Variants in MRPL3 observed in about 807,000 individuals in gnomAD.
The protein encoded by MRPL3 is large ribosomal subunit protein uL3m.
Under a neutral mutation model 44.3 loss-of-function variants are expected in MRPL3, and 43 were observed. The ratio of observed to expected loss-of-function variants is 0.97; its 90% confidence interval spans 0.76 to 1.25. The LOEUF is 1.25. MRPL3 is among the 50% of genes most tolerant of loss of function. The pLI, the probability that MRPL3 is intolerant of heterozygous loss-of-function variation, is 0.00. For synonymous variants in MRPL3, 171 were observed against 152.3 expected, an observed-to-expected ratio of 1.12 and a Z score of -0.91; for missense variants, 406 against 427.6, an observed-to-expected ratio of 0.95 and a Z score of 0.45.
chr3:131,493,725 G>C (rs888556872), intron 4 of MRPL3, among the ~76,000 whole-genome samples: 1 of 152,140 alleles, frequency 6.6e-6, no homozygotes, highest in Non-Finnish European at 1.5e-5. Flanking sequence ...TACTGTAAAA[G>C]TATAGGCCTA....
intron 7 of MRPL3, among the ~76,000 whole-genome samples, chr3:131,470,286 T>C (rs1359052799): frequency 6.6e-6 from 1 of 152,166 alleles, no homozygotes; most frequent in East Asian, 1.9e-4. Flanking sequence ...TGGTTTTCTC[T>C]GATTTACATA....
At chr3:131,469,221 T>TACACACACACACGCACAC (rs1553716809) in intron 8 of MRPL3, among the ~76,000 whole-genome samples, 1 of 150,382 alleles carries the variant, frequency 6.6e-6, no homozygotes, top group East Asian at 1.9e-4. Context: ...TCCTTACACT[T>TACACACACACACGCACAC]ACACACACAC....
chr3:131,463,899 A>G (rs188676765), intron 9 of MRPL3, among the ~76,000 whole-genome samples: 2 of 152,190 alleles, frequency 1.3e-5, no homozygotes, highest in African/African-American at 2.4e-5. Flanking sequence ...AAAATGAGGC[A>G]TAATTACTTT....
In MRPL3 at chr3:131,468,734, T is replaced by C. The variant is rs148485206; in HGVS notation, c.817-566A>G. ...GAATAAGTATTAAATATTACAAAAA[T>C]TGAAATCACACACACGAAGAAAATA... On this transcript the variant is annotated intron_variant, in intron 8 of 9. Coordinates refer to ENST00000264995, the MANE Select transcript of MRPL3 (RefSeq NM_007208.4). Among the ~76,000 whole-genome samples the C allele has an allele frequency of 4.1e-3, 619 of 152,122 alleles. 6 individuals carry two copies. Among genetic ancestry groups the C allele is most frequent in the African/African-American group, 0.014 (587 of 41,514 alleles).
chr3:131,480,425 G>A (rs16836800), intron 6 of MRPL3, among the ~76,000 whole-genome samples: 1,905 of 152,262 alleles, frequency 0.013, 18 homozygotes, highest in East Asian at 0.036. Context: ...TCTTTAGGAC[G>A]AATTTGTGAC....
Position 131,498,254 on chromosome 3 carries a change from T to C in MRPL3, c.393A>G (p.Lys131=). ...LLQVQDCHVL[K]YTSKENCNGK... ...CATTACAGTTTTCCTTTGACGTATA[T>C]TTTAAGACATGACAGTCTTGTACCT... The change falls in exon 4 of 10, where the codon AAA becomes AAG. Residue 131 remains lysine (K), a synonymous_variant. Coordinates refer to ENST00000264995, the MANE Select transcript of MRPL3 (RefSeq NM_007208.4). 3.7e-6 allele frequency: 6 copies of C among 1,610,014 alleles called. No homozygotes were observed. The Middle Eastern group carries it at 5.0e-4, about 133-fold the overall frequency.
Position 131,502,836 on chromosome 3 carries a change from A to G in MRPL3, c.-15T>C. ...CAACCCGGCATGGATTAGCCCGGGA[A>G]GACTCGACTCACGACTTCCGGGCGC... On this transcript the variant is annotated 5_prime_UTR_variant, in exon 1 of 10. Transcript: ENST00000264995. 1 of 1,610,374 alleles carries G rather than the reference A, an allele frequency of 6.2e-7. No individual in the cohort carries two copies. The highest frequency in any genetic ancestry group is 8.5e-7 in the Non-Finnish European group (1 of 1,178,728).
intron 6 of MRPL3, among the ~76,000 whole-genome samples, chr3:131,472,942 C>T (rs1933772147): frequency 6.6e-6 from 1 of 152,092 alleles, no homozygotes; most frequent in Non-Finnish European, 1.5e-5. Context: ...GGAAAGCTAT[C>T]TGCTGTTCAT....
chr3:131,492,343 A>G (rs941929887), intron 4 of MRPL3, among the ~76,000 whole-genome samples: 2 of 151,894 alleles, frequency 1.3e-5, no homozygotes, highest in Non-Finnish European at 2.9e-5. Context: ...CACATTTTTT[A>G]CTGTTTCTAT....
chr3:131,466,692 G>T (rs1330198763), intron 9 of MRPL3, among the ~76,000 whole-genome samples: 60 of 24,472 alleles, frequency 2.5e-3, no homozygotes, highest in East Asian at 0.021. Context: ...ATTTTTTTTG[G>T]GGGGGGGTGG....
intron 6 of MRPL3, among the ~76,000 whole-genome samples, chr3:131,476,766 T>C (rs1328344881): frequency 6.6e-6 from 1 of 152,206 alleles, no homozygotes; most frequent in Non-Finnish European, 1.5e-5. Flanking sequence ...CAGTACACTT[T>C]CAGTGCACGA....
chr3:131,487,766 A>C, intron 5 of MRPL3, 26 bp from the exon 6 acceptor site: 2 of 1,592,404 alleles, frequency 1.3e-6, no homozygotes, highest in Middle Eastern at 1.7e-4. Context: ...ATGAAAAATC[A>C]ATATGAAATT....
Position 131,462,569 on chromosome 3 carries a change from G to A in MRPL3, c.*154C>T, listed in dbSNP as rs933341276. The A allele has an allele frequency of 3.3e-5, 18 of 550,918 alleles. No homozygotes were observed. The highest frequency in any genetic ancestry group is 4.2e-5 in the Non-Finnish European group (15 of 353,218). 34.1% of individuals were successfully genotyped at this position (550,918 alleles called of 1,614,324 possible). ...GGTAATTTTTCTAACAAAATTTAATGGGGGTATGAATGATATATTTATGCC... is the reference window on the plus strand; with the variant it reads ...GGTAATTTTTCTAACAAAATTTAATAGGGGTATGAATGATATATTTATGCC... On this transcript the variant is annotated 3_prime_UTR_variant, in exon 10 of 10. Coordinates refer to ENST00000264995, the MANE Select transcript of MRPL3 (RefSeq NM_007208.4).
rs1417177189 is a variant in MRPL3 at position 131,462,849 on chromosome 3, A to G, written c.921T>C (p.Tyr307=). 1 of 1,612,132 alleles carries G rather than the reference A, an allele frequency of 6.2e-7. No homozygotes were observed. Among genetic ancestry groups the G allele is most frequent in the South Asian group, 1.1e-5 (1 of 90,852 alleles). Residue 307 remains tyrosine (Y), a synonymous_variant, in exon 10 of 10, where the codon TAT becomes TAC. Transcript: ENST00000264995. ...ATGGTAGATTTTTACCGAGATCCTTATATGCAGGCAGTTTAGAATCTTTGA... is the reference window on the plus strand; with the variant it reads ...ATGGTAGATTTTTACCGAGATCCTTGTATGCAGGCAGTTTAGAATCTTTGA... ...VKVKDSKLPA[Y]KDLGKNLPFP...
At chr3:131,468,200 G>C in intron 8 of MRPL3, 32 bp from the exon 9 acceptor site, 4 of 1,303,510 alleles carry the variant, frequency 3.1e-6, no homozygotes, top group Non-Finnish European at 4.3e-6. Context: ...AAAATTTTAG[G>C]ATATACTTGT....
At chr3:131,489,957 C>T in intron 5 of MRPL3, 24 bp downstream of exon 5, 1 of 1,482,038 alleles carries the variant, frequency 6.7e-7, no homozygotes, top group Non-Finnish European at 9.4e-7. Context: ...TTTTACCTCC[C>T]TCCTCTCCCC....
intron 6 of MRPL3, among the ~76,000 whole-genome samples, chr3:131,475,850 A>G (rs1340691419): frequency 6.6e-6 from 1 of 152,258 alleles, no homozygotes; most frequent in African/African-American, 2.4e-5. Flanking sequence ...TTTAAAAATG[A>G]AAAGGAAATA....
Position 131,469,676 on chromosome 3 carries a change from G to C in MRPL3, c.816+20C>G. On this transcript the variant is annotated intron_variant, in intron 8 of 9. Coordinates refer to ENST00000264995, the MANE Select transcript of MRPL3 (RefSeq NM_007208.4). Reference sequence around the variant, plus strand: ...TAGACAATTTAGCTGTTCCTAAAAAGAACCACTTGTAACACTTACTTTCAG... The same window carrying C: ...TAGACAATTTAGCTGTTCCTAAAAACAACCACTTGTAACACTTACTTTCAG... 1 of 1,567,698 alleles carries C rather than the reference G, an allele frequency of 6.4e-7. No homozygotes were observed. Among genetic ancestry groups the C allele is most frequent in the Non-Finnish European group, 8.7e-7 (1 of 1,145,422 alleles).
chr3:131,481,785 T>C (rs1933994298), intron 6 of MRPL3, among the ~76,000 whole-genome samples: 1 of 152,252 alleles, frequency 6.6e-6, no homozygotes, highest in African/African-American at 2.4e-5. Flanking sequence ...ATCACTCATC[T>C]TGAAAATTGT....
Sources: gnomAD v4.1 joint callset for allele counts (sites outside exome capture counted in the v4.1 genomes callset) on GRCh38, gnomAD v4.1.1 for gene constraint, MANE v1.5 for transcripts, NCBI Gene and HGNC (gene_info 2026-07-23, HGNC 2026-07-21) for gene names.